The following ANKRD44 variants were observed in gnomAD, a reference collection of about 807,000 sequenced individuals.
The protein encoded by ANKRD44 is ankyrin repeat domain 44.
A neutral mutation model predicts 116.0 loss-of-function variants in ANKRD44; 35 were observed. The observed-to-expected ratio is 0.30, with a 90% CI of 0.23 to 0.40. The LOEUF is 0.40. Among genes scored for constraint, ANKRD44 ranks in the 10% least tolerant of loss-of-function variants. The pLI is 1.00. For synonymous variants in ANKRD44, 435 were observed against 461.8 expected (o/e 0.94, Z 0.74); for missense variants, 1,014 against 1,242.6 (o/e 0.82, Z 2.77).
At chr2:197,233,247 T>C (rs1019685987) in intron 1 of ANKRD44, among the ~76,000 whole-genome samples, 10 of 152,202 alleles carry the variant, frequency 6.6e-5, no homozygotes, top group Non-Finnish European at 1.2e-4. Flanking sequence ...GCTGCCTGTC[T>C]TACTTCCCCA....
At chr2:196,982,107 ATTATAT>A (rs1559392556), downstream of ANKRD44, among the ~76,000 whole-genome samples, 1 of 10,856 alleles carries the variant, frequency 9.2e-5, no homozygotes, top group Non-Finnish European at 3.0e-4. Flanking sequence ...ACTAAAAAAA[ATTATAT>A]ATATATATAT....
chr2:197,292,088 A>T (rs1574460021), intron 1 of ANKRD44, among the ~76,000 whole-genome samples: 1 of 152,174 alleles, frequency 6.6e-6, no homozygotes, highest in Non-Finnish European at 1.5e-5. Context: ...TGGACATTTG[A>T]ATTGGTTCCA....
At chr2:197,087,975 C>T (rs1310599181) in intron 12 of ANKRD44, among the ~76,000 whole-genome samples, 2 of 152,148 alleles carry the variant, frequency 1.3e-5, no homozygotes, top group African/African-American at 4.8e-5. Context: ...ATAGGTAATG[C>T]CTTTGGTAAT....
At chr2:197,050,243 C>T (rs1206837685) in intron 16 of ANKRD44, among the ~76,000 whole-genome samples, 1 of 152,106 alleles carries the variant, frequency 6.6e-6, no homozygotes, top group Non-Finnish European at 1.5e-5. Context: ...AGTGCTAAAC[C>T]ATTCATGAGA....
intron 1 of ANKRD44, among the ~76,000 whole-genome samples, chr2:197,240,041 T>G (rs982731451): frequency 1.7e-4 from 26 of 152,114 alleles, no homozygotes; most frequent in Non-Finnish European, 2.6e-4. Flanking sequence ...ATAGTTGAAT[T>G]AATGTTTATA....
At chr2:197,140,122 T>C (rs1482527236) in intron 3 of ANKRD44, among the ~76,000 whole-genome samples, 3 of 136,600 alleles carry the variant, frequency 2.2e-5, no homozygotes, top group East Asian at 3.9e-4. Flanking sequence ...CCTCAGGTGA[T>C]CTACCTGCCT....
At chr2:197,028,548 C>T (rs2076641481) in intron 16 of ANKRD44, among the ~76,000 whole-genome samples, 2 of 152,244 alleles carry the variant, frequency 1.3e-5, no homozygotes, top group Non-Finnish European at 2.9e-5. Flanking sequence ...CTAAACACCA[C>T]ATTTCCTAGA....
intron 1 of ANKRD44, among the ~76,000 whole-genome samples, chr2:197,198,288 A>G (rs1325157276): frequency 6.6e-6 from 1 of 152,154 alleles, no homozygotes; most frequent in African/African-American, 2.4e-5. Context: ...CTGGGGGAGC[A>G]GTGGGTGGTT....
At chr2:197,127,413 C>CT (rs904374989) in intron 4 of ANKRD44, among the ~76,000 whole-genome samples, 29 of 152,114 alleles carry the variant, frequency 1.9e-4, no homozygotes, top group African/African-American at 6.0e-4. Context: ...CTGCATTTCT[C>CT]TTTTAAAAGT....
intron 21 of ANKRD44, among the ~76,000 whole-genome samples, chr2:196,974,956 T>C (rs1371513045): frequency 1.3e-5 from 2 of 149,266 alleles, no homozygotes; most frequent in African/African-American, 4.9e-5. Context: ...AATAAAATAA[T>C]AAAGATTAAT....
chr2:197,008,842 A>C (rs2076245441), intron 19 of ANKRD44, 102 bp downstream of exon 19: 14 of 1,015,652 alleles, frequency 1.4e-5, no homozygotes, highest in Non-Finnish European at 2.0e-5. Flanking sequence ...ATATTCCTCC[A>C]ATTTCTCGGT....
chr2:197,225,471 G>A (rs2081685362), intron 1 of ANKRD44, among the ~76,000 whole-genome samples: 1 of 152,106 alleles, frequency 6.6e-6, no homozygotes, highest in Non-Finnish European at 1.5e-5. Flanking sequence ...AGCCTTCTAA[G>A]TAGCTGGGAT....
At chr2:197,027,037 G>A (rs1028147235) in intron 16 of ANKRD44, among the ~76,000 whole-genome samples, 1 of 151,948 alleles carries the variant, frequency 6.6e-6, no homozygotes, top group Non-Finnish European at 1.5e-5. Context: ...TTTTGGACAT[G>A]TGAAATTTGA....
chr2:196,982,442 G>A (rs761553624), downstream of ANKRD44, among the ~76,000 whole-genome samples: 13 of 151,956 alleles, frequency 8.6e-5, no homozygotes, highest in African/African-American at 3.1e-4. Flanking sequence ...TTTGGAAGAC[G>A]TTTGTGACCA....
At chr2:197,064,950 G>C (rs2077398897) in intron 16 of ANKRD44, among the ~76,000 whole-genome samples, 1 of 152,138 alleles carries the variant, frequency 6.6e-6, no homozygotes, top group Non-Finnish European at 1.5e-5. Flanking sequence ...GCACCAAGCA[G>C]ACCTAATAGA....
chr2:197,063,846 C>T (rs1464309441), intron 16 of ANKRD44, among the ~76,000 whole-genome samples: 4 of 152,164 alleles, frequency 2.6e-5, no homozygotes, highest in Non-Finnish European at 4.4e-5. Flanking sequence ...CTGAAAGTGA[C>T]AGGGAGAATG....
chr2:197,218,182 G>A (rs996516034), intron 1 of ANKRD44, among the ~76,000 whole-genome samples: 1 of 152,164 alleles, frequency 6.6e-6, no homozygotes, highest in Non-Finnish European at 1.5e-5. Flanking sequence ...AGACTATCCT[G>A]TACCTGAAAG....
At chr2:197,108,134 T>A (rs1012108705) in intron 9 of ANKRD44, among the ~76,000 whole-genome samples, 3 of 152,148 alleles carry the variant, frequency 2.0e-5, no homozygotes, top group African/African-American at 7.2e-5. Context: ...TGGTTGAGAG[T>A]TCAGTCTCTG....
At chr2:197,250,274 G>T (rs150265428) in intron 1 of ANKRD44, among the ~76,000 whole-genome samples, 55 of 152,288 alleles carry the variant, frequency 3.6e-4, no homozygotes, top group African/African-American at 1.2e-3. Context: ...GATGTCCAAA[G>T]CAGGAAAGCT....
Sources: gnomAD v4.1 joint callset for allele counts (sites outside exome capture counted in the v4.1 genomes callset) on GRCh38, gnomAD v4.1.1 for gene constraint, MANE v1.5 for transcripts, NCBI Gene and HGNC (gene_info 2026-07-23, HGNC 2026-07-21) for gene names.